NTMT2: variants seen among roughly 807,000 people sequenced by gnomAD.
The protein encoded by NTMT2 is X-Pro-Lys N-terminal protein methyltransferase 1B.
In NTMT2, 21 loss-of-function variants were observed where a neutral mutation model predicts 23.4. The ratio of observed to expected loss-of-function variants is 0.90; its 90% confidence interval spans 0.64 to 1.29. NTMT2 has a LOEUF of 1.29. Among genes scored for constraint, NTMT2 ranks in the 50% most tolerant of loss-of-function variants. The pLI is 0.00. For missense variants in NTMT2, 336 were observed against 352.0 expected, an observed-to-expected ratio of 0.95 and a Z score of 0.36; for synonymous variants, 131 against 127.7, an observed-to-expected ratio of 1.03 and a Z score of -0.17.
intron 1 of NTMT2, among the ~76,000 whole-genome samples, chr1:170,153,679 T>A (rs1326294092): frequency 2.0e-5 from 3 of 152,248 alleles, no homozygotes; most frequent in Non-Finnish European, 4.4e-5. Context: ...GTGGCCTGGC[T>A]GCTTCTAACA....
chr1:170,158,942 A>T (rs1354024029), intron 1 of NTMT2, among the ~76,000 whole-genome samples: 1 of 151,960 alleles, frequency 6.6e-6, no homozygotes, highest in Non-Finnish European at 1.5e-5. Context: ...TTTTGGCTTA[A>T]ATTCTCATCC....
At chr1:170,156,709 G>A (rs773751214) in intron 1 of NTMT2, among the ~76,000 whole-genome samples, 2 of 151,856 alleles carry the variant, frequency 1.3e-5, no homozygotes, top group African/African-American at 4.8e-5. Flanking sequence ...ACCTGGGGCC[G>A]AACATGACAC....
At chr1:170,160,397 A>G (rs1012782425) in intron 1 of NTMT2, 121 bp from the exon 2 acceptor site, 7 of 904,848 alleles carry the variant, frequency 7.7e-6, no homozygotes, top group South Asian at 2.6e-5. Flanking sequence ...TTTGACTTCA[A>G]ACCAGTGCTC....
chr1:170,166,393 G>A (rs990689323), intron 2 of NTMT2, 109 bp from the exon 3 acceptor site: 22 of 1,173,896 alleles, frequency 1.9e-5, no homozygotes, highest in African/African-American at 1.7e-4. Context: ...CGCCCGCCTC[G>A]GCCTCCCAAA....
intron 1 of NTMT2, among the ~76,000 whole-genome samples, chr1:170,152,309 CA>C (rs1266318340): frequency 6.6e-6 from 1 of 152,170 alleles, no homozygotes; most frequent in Non-Finnish European, 1.5e-5. Context: ...CAAATCTCAT[CA>C]TGAAAAATCT....
intron 2 of NTMT2, among the ~76,000 whole-genome samples, chr1:170,161,296 TAA>T (rs77897966): frequency 4.3e-4 from 59 of 137,188 alleles, no homozygotes; most frequent in Admixed American, 6.5e-4. Flanking sequence ...AGACTCCGTC[TAA>T]AAAAAAAAAA....
intron 1 of NTMT2, among the ~76,000 whole-genome samples, chr1:170,154,853 C>T (rs1673136006): frequency 6.6e-6 from 1 of 152,104 alleles, no homozygotes; most frequent in Admixed American, 6.5e-5. Context: ...ATATTTGTCC[C>T]ATCCAAATCT....
At chr1:170,167,072 G>C (rs758990071) in intron 3 of NTMT2, among the ~76,000 whole-genome samples, 1 of 152,152 alleles carries the variant, frequency 6.6e-6, no homozygotes, top group Non-Finnish European at 1.5e-5. Flanking sequence ...AGTCAAAAAG[G>C]TTAATCCCCA....
In NTMT2 at chr1:170,146,267, T is replaced by C; in HGVS notation, c.154+6T>C. On this transcript the variant is annotated splice_donor_region_variant and intron_variant, in intron 1 of 3. Coordinates refer to ENST00000439373, the MANE Select transcript of NTMT2 (RefSeq NM_001136107.2). ...GCTGGAAAAAATTCCCCTGGGTAAG[T>C]GAGTCAGAGCTACTAGATAAGAAAC... 1 of 1,549,344 alleles carries C rather than the reference T, an allele frequency of 6.5e-7. No homozygotes were observed. The highest frequency in any genetic ancestry group is 8.7e-7 in the Non-Finnish European group (1 of 1,146,298).
intron 1 of NTMT2, among the ~76,000 whole-genome samples, chr1:170,150,691 C>T (rs771978979): frequency 2.7e-4 from 41 of 151,992 alleles, no homozygotes; most frequent in South Asian, 6.2e-4. Flanking sequence ...GAAGAGCATT[C>T]GCTTTCTGTT....
rs758348139 is a variant in NTMT2, at chr1:170,160,616, G to A, written c.253G>A (p.Gly85Ser). The A allele has an allele frequency of 1.3e-6, 2 of 1,551,566 alleles. No homozygotes were observed. The highest frequency in any genetic ancestry group is 1.2e-5 in the South Asian group (1 of 84,014). ...FYQEVPATEE[G>S]MMGNFIELSS... ...CCAAGAAGTACCAGCCACAGAAGAG[G>A]GTATGATGGGAAATTTCATTGAACT... The change falls in exon 2 of 4, where the codon GGT (glycine) becomes AGT (serine). Residue 85 changes from glycine to serine, a missense_variant. Transcript: ENST00000439373.
chr1:170,156,982 G>C (rs1673176518), intron 1 of NTMT2, among the ~76,000 whole-genome samples: 1 of 152,094 alleles, frequency 6.6e-6, no homozygotes, highest in Non-Finnish European at 1.5e-5. Flanking sequence ...AGAGAGCCCT[G>C]GGCTATGGCT....
At chr1:170,160,476 T>A (rs1333357251) in intron 1 of NTMT2, 42 bp from the exon 2 acceptor site, 1 of 1,395,702 alleles carries the variant, frequency 7.2e-7, no homozygotes, top group Non-Finnish European at 9.4e-7. Context: ...GATTTTTTTA[T>A]CTTATAAATA....
rs1673393850 is a variant in NTMT2 at position 170,166,602 on chromosome 1, T to G, written c.431T>G (p.Leu144Arg). The G allele has an allele frequency of 6.4e-7, 1 of 1,552,168 alleles. No homozygotes were observed. ...TTGCCTGTTTTCAACAGTGTGGAGC[T>G]GGTGGATATGATGGAATCCTTTCTC... Reference protein sequence around the residue: ...VLLPVFNSVELVDMMESFLLE... With the variant: ...VLLPVFNSVERVDMMESFLLE... Residue 144 changes from leucine to arginine, a missense_variant, in exon 3 of 4, where the codon CTG becomes CGG. Coordinates refer to ENST00000439373, the MANE Select transcript of NTMT2 (RefSeq NM_001136107.2).
intron 1 of NTMT2, among the ~76,000 whole-genome samples, chr1:170,154,548 T>C (rs1230845383): frequency 6.6e-6 from 1 of 152,238 alleles, no homozygotes; most frequent in Non-Finnish European, 1.5e-5. Context: ...TGGCTGGGGT[T>C]CAAGCTTGTG....
rs2102227104 is a variant in NTMT2 at position 170,146,185 on chromosome 1, G to A, written c.78G>A (p.Met26Ile). The A allele has an allele frequency of 6.4e-7, 1 of 1,551,394 alleles. No individual in the cohort carries two copies. The highest frequency in any genetic ancestry group is 8.7e-7 in the Non-Finnish European group (1 of 1,146,952). Residue 26 changes from methionine to isoleucine, a missense_variant, in exon 1 of 4, where the codon ATG becomes ATA. Physicochemically the swap from Met to Ile is conservative, Grantham distance 10. Transcript: ENST00000439373. ...ACGATGAACTCTGTAGACATAGCATGTCTTTTATCCTTCACAAAGCCATTC... is the reference window on the plus strand; with the variant it reads ...ACGATGAACTCTGTAGACATAGCATATCTTTTATCCTTCACAAAGCCATTC... Reference protein sequence around the residue: ...KTDDELCRHSMSFILHKAIRN... With the variant: ...KTDDELCRHSISFILHKAIRN...
intron 1 of NTMT2, among the ~76,000 whole-genome samples, chr1:170,149,000 A>G (rs773573510): frequency 2.0e-5 from 3 of 152,260 alleles, no homozygotes; most frequent in African/African-American, 2.4e-5. Context: ...TTTCTGCTAC[A>G]GGGAAAAATA....
chr1:170,167,142 A>ATT (rs1467761885), intron 3 of NTMT2, among the ~76,000 whole-genome samples: 1 of 152,174 alleles, frequency 6.6e-6, no homozygotes, highest in African/African-American at 2.4e-5. Flanking sequence ...ACAGCAGTGA[A>ATT]TTTGATTTTG....
At chr1:170,159,430 T>C (rs1306217520) in intron 1 of NTMT2, among the ~76,000 whole-genome samples, 1 of 149,850 alleles carries the variant, frequency 6.7e-6, no homozygotes, top group African/African-American at 2.5e-5. Flanking sequence ...GGTTTTTTTT[T>C]TTTTTTTTTT....
Sources: gnomAD v4.1 joint callset for allele counts (sites outside exome capture counted in the v4.1 genomes callset) on GRCh38, gnomAD v4.1.1 for gene constraint, MANE v1.5 for transcripts, NCBI Gene and HGNC (gene_info 2026-07-23, HGNC 2026-07-21) for gene names.